The following STAG1 variants were observed in gnomAD, a reference collection of about 807,000 sequenced individuals.
The protein encoded by STAG1 is STAG1 cohesin complex component.
Under a neutral mutation model 170.9 loss-of-function variants are expected in STAG1, and 26 were observed. The observed-to-expected ratio is 0.15, with a 90% CI of 0.11 to 0.21. STAG1 has a LOEUF of 0.21. Among genes scored for constraint, STAG1 ranks in the 10% least tolerant of loss-of-function variants. STAG1 has a pLI of 1.00. For missense variants in STAG1, 964 were observed against 1,509.5 expected, an observed-to-expected ratio of 0.64 and a Z score of 5.99; for synonymous variants, 514 against 497.7, an observed-to-expected ratio of 1.03 and a Z score of -0.44.
chr3:136,374,079 C>T (rs1016497156), intron 23 of STAG1, among the ~76,000 whole-genome samples: 1 of 151,886 alleles, frequency 6.6e-6, no homozygotes, highest in African/African-American at 2.4e-5. Context: ...TGAATTGATC[C>T]CTTTACCATT....
chr3:136,443,276 A>G lies in STAG1; in HGVS notation c.1546+11T>C, dbSNP rs749643357. ...CAAAATCATGTAAATTAACTTGTCA[A>G]AATACTATACCTTCCTCTCCTTGAA... On this transcript the variant is annotated intron_variant, in intron 15 of 33. Coordinates refer to ENST00000383202, the MANE Select transcript of STAG1 (RefSeq NM_005862.3). 10 of 1,576,504 alleles carry G rather than the reference A, an allele frequency of 6.3e-6. No homozygotes were observed. Among genetic ancestry groups the G allele is most frequent in the Non-Finnish European group, 8.7e-6 (10 of 1,149,550 alleles).
intron 1 of STAG1, among the ~76,000 whole-genome samples, chr3:136,734,461 A>G (rs1456393798): frequency 6.6e-6 from 1 of 152,230 alleles, no homozygotes; most frequent in Non-Finnish European, 1.5e-5. Context: ...GCCAAAAAAC[A>G]GTACAGGTAA....
chr3:136,492,764 A>G (rs1484144430), intron 9 of STAG1, among the ~76,000 whole-genome samples: 4 of 152,226 alleles, frequency 2.6e-5, no homozygotes, highest in African/African-American at 4.8e-5. Flanking sequence ...ACGGGAAAAA[A>G]TGAAGAATGT....
chr3:136,574,584 C>T (rs1364507690), intron 4 of STAG1, among the ~76,000 whole-genome samples: 1 of 151,978 alleles, frequency 6.6e-6, no homozygotes, highest in Admixed American at 6.5e-5. Flanking sequence ...TGCTACCAAA[C>T]ATAAAGAGAA....
chr3:136,441,040 T>A (rs1302427650), intron 15 of STAG1, among the ~76,000 whole-genome samples: 1 of 149,140 alleles, frequency 6.7e-6, no homozygotes, highest in East Asian at 2.0e-4. Flanking sequence ...CTTTTTTTTT[T>A]TTTTTTTTTT....
At position 136,477,289 on chromosome 3, in the gene STAG1, C is replaced by T; in HGVS notation, c.1026G>A (p.Arg342=). 1 of 1,609,210 alleles carries T rather than the reference C, an allele frequency of 6.2e-7. No homozygotes were observed. Among genetic ancestry groups the T allele is most frequent in the Non-Finnish European group, 8.5e-7 (1 of 1,177,940 alleles). ...CAAAGCTTAGAACAGAGTAACTTAC[C>T]CTGTCATGAAGAGTCCAGCCAACAT... The part of the protein sequence containing the change: ...LKYVGWTLHD[R]QGEVRLKCLK... Residue 342 remains arginine (R), a splice_region_variant and synonymous_variant, in exon 10 of 34, where the codon AGG becomes AGA. Coordinates refer to ENST00000383202, the MANE Select transcript of STAG1 (RefSeq NM_005862.3).
chr3:136,468,502 G>C (rs1302933175), intron 12 of STAG1, among the ~76,000 whole-genome samples: 2 of 152,156 alleles, frequency 1.3e-5, no homozygotes, highest in East Asian at 1.9e-4. Context: ...CTCTGAAATT[G>C]AGACAATACT....
chr3:136,723,612 GA>G, intron 1 of STAG1, among the ~76,000 whole-genome samples: 1 of 148,998 alleles, frequency 6.7e-6, no homozygotes, highest in South Asian at 2.2e-4. Flanking sequence ...GAGGTGGGGG[GA>G]TCAGCCCCCT....
chr3:136,735,573 G>C (rs1032028934), intron 1 of STAG1, among the ~76,000 whole-genome samples: 1 of 152,052 alleles, frequency 6.6e-6, no homozygotes, highest in Non-Finnish European at 1.5e-5. Flanking sequence ...AAGTAGCTGG[G>C]ATTACAGGCA....
intron 14 of STAG1, among the ~76,000 whole-genome samples, chr3:136,450,251 G>A (rs2088898874): frequency 6.6e-6 from 1 of 152,150 alleles, no homozygotes; most frequent in Admixed American, 6.6e-5. Flanking sequence ...TGGACCACGA[G>A]CATGAGCACT....
Position 136,508,760 on chromosome 3 carries a change from G to A in STAG1, c.677-5981C>T, listed in dbSNP as rs560426553. Reference sequence around the variant, plus strand: ...ACAGATCTCAGACTCAAGACTGCACGACTCCTGTCTGATTTCCAGCTTGCT... The same window carrying A: ...ACAGATCTCAGACTCAAGACTGCACAACTCCTGTCTGATTTCCAGCTTGCT... On this transcript the variant is annotated intron_variant, in intron 7 of 33. Transcript: ENST00000383202. Among the ~76,000 whole-genome samples the A allele has an allele frequency of 2.0e-5, 3 of 152,312 alleles. 1 individual carries two copies. Among genetic ancestry groups the A allele is most frequent in the South Asian group, 4.1e-4 (2 of 4,832 alleles).
intron 1 of STAG1, among the ~76,000 whole-genome samples, chr3:136,748,113 C>T (rs1009703213): frequency 1.4e-5 from 2 of 147,616 alleles, no homozygotes; most frequent in South Asian, 2.4e-4. Context: ...AATAACTGGC[C>T]GGGCACGGTG....
intron 6 of STAG1, among the ~76,000 whole-genome samples, chr3:136,535,030 A>G (rs1019193915): frequency 1.3e-5 from 2 of 152,248 alleles, no homozygotes; most frequent in African/African-American, 4.8e-5. Context: ...GATAAAGAAA[A>G]TGCAGCATAT....
intron 14 of STAG1, among the ~76,000 whole-genome samples, chr3:136,448,044 A>G (rs2088835048): frequency 6.6e-6 from 1 of 152,158 alleles, no homozygotes; most frequent in Non-Finnish European, 1.5e-5. Context: ...TTGTCACCTG[A>G]AATCAATGAC....
intron 1 of STAG1, 41 bp from the exon 2 acceptor site, chr3:136,631,022 G>T: frequency 1.0e-6 from 1 of 969,784 alleles, no homozygotes; most frequent in Non-Finnish European, 1.5e-6. Flanking sequence ...AATAAAATGA[G>T]GATGACAAAA....
At chr3:136,498,306 C>CACAT (rs1559842052) in intron 9 of STAG1, among the ~76,000 whole-genome samples, 7 of 138,214 alleles carry the variant, frequency 5.1e-5, no homozygotes, top group East Asian at 2.2e-4. Flanking sequence ...CACACACACA[C>CACAT]ATATATATAC....
chr3:136,444,619 C>A (rs928243534), intron 14 of STAG1, among the ~76,000 whole-genome samples: 5 of 152,140 alleles, frequency 3.3e-5, no homozygotes, highest in African/African-American at 1.2e-4. Context: ...AAAAATGATG[C>A]ACAGTAGAAA....
At chr3:136,603,978 CCTT>C (rs988915082) in intron 4 of STAG1, among the ~76,000 whole-genome samples, 2 of 151,892 alleles carry the variant, frequency 1.3e-5, no homozygotes, top group South Asian at 2.1e-4. Flanking sequence ...TTTTTATATC[CCTT>C]CTTCTTTCAA....
At chr3:136,607,452 G>A (rs983088677) in intron 3 of STAG1, among the ~76,000 whole-genome samples, 2 of 152,036 alleles carry the variant, frequency 1.3e-5, no homozygotes, top group South Asian at 4.2e-4. Flanking sequence ...GCTCAGGCTG[G>A]AGTGCGGTGG....
Sources: gnomAD v4.1 joint callset for allele counts (sites outside exome capture counted in the v4.1 genomes callset) on GRCh38, gnomAD v4.1.1 for gene constraint, MANE v1.5 for transcripts, NCBI Gene and HGNC (gene_info 2026-07-23, HGNC 2026-07-21) for gene names.